Variants in CNTN5 observed in about 807,000 individuals in gnomAD.
The protein encoded by CNTN5 is contactin-5.
CNTN5 carries 77 observed loss-of-function variants against 129.1 expected under a neutral mutation model. The ratio of observed to expected loss-of-function variants is 0.60; its 90% CI spans 0.50 to 0.72. The LOEUF (loss-of-function observed/expected upper bound fraction) is 0.72, where lower values mean the gene tolerates loss of function less well. CNTN5 is among the 30% of genes least tolerant of loss of function. CNTN5 has a pLI of 0.00. For synonymous variants in CNTN5, 509 were observed against 465.6 expected, an observed-to-expected ratio of 1.09 and a Z score of -1.20; for missense variants, 1,478 against 1,328.8, an observed-to-expected ratio of 1.11 and a Z score of -1.75.
At chr11:99,775,537 G>A (rs1945093981) in intron 3 of CNTN5, among the ~76,000 whole-genome samples, 1 of 151,928 alleles carries the variant, frequency 6.6e-6, no homozygotes, top group Non-Finnish European at 1.5e-5. Flanking sequence ...AAAAACAAAT[G>A]AGAGAAAGAA....
At chr11:100,341,696 C>T (rs1952166976) in intron 23 of CNTN5, among the ~76,000 whole-genome samples, 3 of 152,176 alleles carry the variant, frequency 2.0e-5, no homozygotes, top group Admixed American at 2.0e-4. Context: ...CCAACATTCA[C>T]ATACAGTCAT....
chr11:99,675,138 A>G (rs1266020722), intron 3 of CNTN5, among the ~76,000 whole-genome samples: 1 of 152,270 alleles, frequency 6.6e-6, no homozygotes, highest in South Asian at 2.1e-4. Context: ...TGGAGTAAAC[A>G]TTGCTTCATG....
chr11:100,031,136 G>A (rs1328106439), intron 9 of CNTN5, among the ~76,000 whole-genome samples: 1 of 152,182 alleles, frequency 6.6e-6, no homozygotes, highest in African/African-American at 2.4e-5. Context: ...GAAGAATGGA[G>A]ATTTTACTTT....
chr11:99,707,529 A>C (rs1229882674), intron 3 of CNTN5, among the ~76,000 whole-genome samples: 2 of 151,708 alleles, frequency 1.3e-5, no homozygotes, highest in East Asian at 3.9e-4. Flanking sequence ...TAACAAACTA[A>C]AAATCAAAAT....
At chr11:100,249,712 G>A (rs1185739250) in intron 16 of CNTN5, among the ~76,000 whole-genome samples, 3 of 152,036 alleles carry the variant, frequency 2.0e-5, no homozygotes, top group Non-Finnish European at 4.4e-5. Context: ...AGCTGAAAAA[G>A]CCTTTTAGGA....
At chr11:99,185,701 T>C (rs1178780132) in intron 1 of CNTN5, among the ~76,000 whole-genome samples, 3 of 151,820 alleles carry the variant, frequency 2.0e-5, no homozygotes, top group Non-Finnish European at 4.4e-5. Context: ...ATGATTTAAA[T>C]TTTGTACTTA....
chr11:99,477,547 T>C (rs1263191574), intron 2 of CNTN5, among the ~76,000 whole-genome samples: 1 of 152,040 alleles, frequency 6.6e-6, no homozygotes, highest in Non-Finnish European at 1.5e-5. Flanking sequence ...AAATGGTATA[T>C]GCGTTTATAG....
At chr11:99,988,952 AGTTTT>A (rs1938872736) in intron 8 of CNTN5, among the ~76,000 whole-genome samples, 2 of 151,510 alleles carry the variant, frequency 1.3e-5, no homozygotes, top group Admixed American at 1.3e-4. Context: ...GCCTCCTTTC[AGTTTT>A]TTGTTTGTTT....
rs138795955 is a variant in CNTN5, at chr11:99,419,305, T to C, written c.-71+93821T>C. Among the ~76,000 whole-genome samples the C allele has an allele frequency of 5.0e-3, 756 of 152,330 alleles. 6 individuals are homozygous for C. Among genetic ancestry groups the C allele is most frequent in the Non-Finnish European group, 7.0e-3 (476 of 68,016 alleles). On this transcript the variant is annotated intron_variant, in intron 2 of 24. Transcript: ENST00000524871. The stretch of plus-strand genomic sequence containing the variant: ...CACTGTATGTGATGACTTTACTCAT[T>C]TTCTAGAGCTTGGGATATGCTTGTC...
chr11:99,737,233 C>A (rs565011152), intron 3 of CNTN5, among the ~76,000 whole-genome samples: 2 of 152,210 alleles, frequency 1.3e-5, no homozygotes, highest in South Asian at 4.1e-4. Context: ...CCATGAATTT[C>A]TTTACCACCT....
At chr11:100,019,327 G>C (rs1224897755) in intron 9 of CNTN5, among the ~76,000 whole-genome samples, 2 of 151,850 alleles carry the variant, frequency 1.3e-5, no homozygotes, top group South Asian at 2.1e-4. Flanking sequence ...GTATGATACA[G>C]GTATGGATCA....
At chr11:99,933,419 G>A (rs1462992514) in intron 7 of CNTN5, among the ~76,000 whole-genome samples, 1 of 152,118 alleles carries the variant, frequency 6.6e-6, no homozygotes, top group Admixed American at 6.5e-5. Flanking sequence ...GATAAAAGAA[G>A]TCATGTAACC....
intron 6 of CNTN5, among the ~76,000 whole-genome samples, chr11:99,895,035 C>T (rs148963348): frequency 2.6e-5 from 4 of 152,182 alleles, no homozygotes; most frequent in African/African-American, 9.6e-5. Context: ...TCAGGTAGGC[C>T]TAGAAAAGGC....
At position 100,340,487 on chromosome 11, in the gene CNTN5, C is replaced by G; in HGVS notation, c.2755C>G (p.Gln919Glu). The G allele has an allele frequency of 6.2e-7, 1 of 1,610,506 alleles. No homozygotes were observed. The highest frequency in any genetic ancestry group is 2.2e-5 in the East Asian group (1 of 44,708). ...GGTTGGTTACTGGAAAGACATGGAA[C>G]AGGAAGATACAGCAGAAACAGTCAA... The part of the protein sequence containing the change: ...FEVGYWKDME[Q>E]EDTAETVKTR... Residue 919 changes from glutamine (Q) to glutamate (E), a missense_variant, in exon 22 of 25, where the codon CAG becomes GAG. Coordinates refer to ENST00000524871, the MANE Select transcript of CNTN5 (RefSeq NM_014361.4).
intron 6 of CNTN5, among the ~76,000 whole-genome samples, chr11:99,859,581 T>C (rs1455575317): frequency 6.6e-6 from 1 of 152,220 alleles, no homozygotes; most frequent in Non-Finnish European, 1.5e-5. Flanking sequence ...TATCTCGTAC[T>C]TACAGGTGAG....
intron 1 of CNTN5, among the ~76,000 whole-genome samples, chr11:99,122,202 T>G (rs7342214): frequency 0.52 from 78,450 of 151,596 alleles, 20,260 homozygotes; most frequent in East Asian, 0.61. Context: ...TCTGAGAAGG[T>G]CCATACAGAG....
chr11:100,327,012 A>G (rs1246576531), intron 21 of CNTN5, among the ~76,000 whole-genome samples: 2 of 152,220 alleles, frequency 1.3e-5, no homozygotes, highest in Admixed American at 1.3e-4. Flanking sequence ...CCTTGAAGCC[A>G]TGGTGAGAAG....
chr11:100,091,327 C>G (rs1206339465), intron 13 of CNTN5, among the ~76,000 whole-genome samples: 2 of 151,782 alleles, frequency 1.3e-5, no homozygotes, highest in African/African-American at 4.8e-5. Flanking sequence ...AAATTATTAC[C>G]CCTATCCTTG....
chr11:99,924,391 A>T (rs1950013746), intron 7 of CNTN5, among the ~76,000 whole-genome samples: 1 of 152,112 alleles, frequency 6.6e-6, no homozygotes, highest in African/African-American at 2.4e-5. Flanking sequence ...ATATTTAAGT[A>T]TGTAATCCAT....
Sources: gnomAD v4.1 joint callset for allele counts (sites outside exome capture counted in the v4.1 genomes callset) on GRCh38, gnomAD v4.1.1 for gene constraint, MANE v1.5 for transcripts, NCBI Gene and HGNC (gene_info 2026-07-23, HGNC 2026-07-21) for gene names.